The following DIAPH1 variants were observed in gnomAD, a reference collection of about 807,000 sequenced individuals.
The protein encoded by DIAPH1 is diaphanous related formin 1, also known as protein diaphanous homolog 1.
Under a neutral mutation model 140.7 loss-of-function variants are expected in DIAPH1, and 46 were observed. That is an observed-to-expected ratio of 0.33 (90% CI 0.26 to 0.42). The LOEUF is 0.42. Among genes scored for constraint, DIAPH1 ranks in the 10% least tolerant of loss-of-function variants. The probability of loss-of-function intolerance (pLI) is 1.00; values close to 1 mark genes in which losing one functional copy is unlikely to be tolerated. For synonymous variants in DIAPH1, 565 were observed against 551.6 expected (o/e 1.02, Z -0.34); for missense variants, 1,310 against 1,558.7 (o/e 0.84, Z 2.69).
intron 8 of DIAPH1, 95 bp from the exon 9 acceptor site, chr5:141,579,291 A>G (rs2099896402): frequency 1.1e-6 from 1 of 900,960 alleles, no homozygotes; most frequent in East Asian, 2.4e-5. Flanking sequence ...ACCGATTAGG[A>G]AACAGGACAT....
At chr5:141,527,340 C>T (rs1290253245) in intron 24 of DIAPH1, among the ~76,000 whole-genome samples, 1 of 152,044 alleles carries the variant, frequency 6.6e-6, no homozygotes, top group African/African-American at 2.4e-5. Context: ...CGTTTGAGTC[C>T]AAGAGGTCAA....
Position 141,587,055 on chromosome 5 carries a change from A to G in DIAPH1, c.287T>C (p.Phe96Ser). The G allele has an allele frequency of 6.2e-7, 1 of 1,614,172 alleles. No homozygotes were observed. The highest frequency in any genetic ancestry group is 1.1e-5 in the South Asian group (1 of 91,086). ...TGGGAAACTTACCAGCATCTGTTCA[A>G]AGAGAACCAGCACTTGTTCATCTGA... The part of the protein sequence containing the change: ...DVSDEQVLVL[F>S]EQMLLDMNLN... Residue 96 changes from phenylalanine to serine, a missense_variant, in exon 3 of 28, where the codon TTT becomes TCT. Phe to Ser is a radical substitution (Grantham distance 155). Transcript: ENST00000389054.
intron 17 of DIAPH1, 112 bp downstream of exon 17, chr5:141,571,814 T>TCCAA: frequency 1.2e-6 from 1 of 831,654 alleles, no homozygotes; most frequent in Non-Finnish European, 2.1e-6. Flanking sequence ...CAGTCTTCCA[T>TCCAA]CCAACATACC....
chr5:141,571,170 C>T (rs990829910), intron 18 of DIAPH1, among the ~76,000 whole-genome samples: 5 of 152,146 alleles, frequency 3.3e-5, no homozygotes, highest in Admixed American at 6.5e-5. Context: ...TTATTGCTTA[C>T]GTTGTCCCTC....
At chr5:141,529,497 A>G (rs939984266) in intron 20 of DIAPH1, 106 bp downstream of exon 20, 23 of 1,075,144 alleles carry the variant, frequency 2.1e-5, no homozygotes, top group Middle Eastern at 4.0e-4. Context: ...GCCAGCATTC[A>G]TAAGTCAGCA....
At chr5:141,592,622 C>T (rs1243007781) in intron 1 of DIAPH1, among the ~76,000 whole-genome samples, 2 of 152,168 alleles carry the variant, frequency 1.3e-5, no homozygotes, top group African/African-American at 4.8e-5. Flanking sequence ...AATCATCCTA[C>T]CTACATCTAA....
chr5:141,577,122 T>C (rs1017537640), intron 12 of DIAPH1, among the ~76,000 whole-genome samples: 1 of 152,188 alleles, frequency 6.6e-6, no homozygotes, highest in Non-Finnish European at 1.5e-5. Context: ...ATCTAAAAAT[T>C]TGCGTTTGAT....
At chr5:141,572,863 T>C (rs2099895396) in intron 16 of DIAPH1, among the ~76,000 whole-genome samples, 1 of 152,112 alleles carries the variant, frequency 6.6e-6, no homozygotes, top group Admixed American at 6.5e-5. Context: ...ATCAGCACAA[T>C]TATCAGTAGT....
rs569302689 is a variant in DIAPH1, at chr5:141,613,189, A to G, written c.117+5609T>C. ...AGAATGTTTCCTTTAATTCAATTCC[A>G]TTATGCTAACTCTCATTTGCATCCC... On this transcript the variant is annotated intron_variant, in intron 1 of 27. Transcript: ENST00000389054. Among the ~76,000 whole-genome samples the G allele has an allele frequency of 3.3e-5, 5 of 152,276 alleles. No individual in the cohort carries two copies. The East Asian group carries it at 9.6e-4, about 29-fold the overall frequency.
At position 141,574,095 on chromosome 5, in the gene DIAPH1, G is replaced by T. The variant is rs1470817454; in HGVS notation, c.1755C>A (p.Ala585=). The change falls in exon 16 of 28, where the codon GCC becomes GCA. Residue 585 remains alanine (A), a synonymous_variant. Coordinates refer to ENST00000389054, the MANE Select transcript of DIAPH1 (RefSeq NM_005219.5). The part of the protein sequence containing the change: ...SVPSRAPVPP[A]PPLPGDSGTI... ...TGCCAGAGTCACCAGGTAAAGGAGGGGCAGGGGGAACAGGAGCACGACTAG... is the reference window on the plus strand; with the variant it reads ...TGCCAGAGTCACCAGGTAAAGGAGGTGCAGGGGGAACAGGAGCACGACTAG... 1.2e-6 allele frequency: 2 copies of T among 1,613,686 alleles called. No individual in the cohort carries two copies. Among genetic ancestry groups the T allele is most frequent in the South Asian group, 2.2e-5 (2 of 91,022 alleles).
chr5:141,606,830 T>C (rs1406676425), intron 1 of DIAPH1, among the ~76,000 whole-genome samples: 2 of 152,146 alleles, frequency 1.3e-5, no homozygotes, highest in African/African-American at 4.8e-5. Flanking sequence ...TCACATATAG[T>C]TACATTAGTG....
chr5:141,548,557 C>A (rs1264287851), intron 18 of DIAPH1, among the ~76,000 whole-genome samples: 1 of 152,094 alleles, frequency 6.6e-6, no homozygotes, highest in East Asian at 1.9e-4. Context: ...CTGCATGACA[C>A]CAGTAACTCA....
Position 141,552,405 on chromosome 5 carries a change from T to C in DIAPH1, c.2483-17972A>G, listed in dbSNP as rs756544390. ...ACGAGGACCAGAGTCAGAGAGGACA[T>C]GTGATGACAGAAGCAGAGGTCAGAG... On this transcript the variant is annotated intron_variant, in intron 18 of 27. Coordinates refer to ENST00000389054, the MANE Select transcript of DIAPH1 (RefSeq NM_005219.5). Among the ~76,000 whole-genome samples, 5 of 152,098 alleles carry C rather than the reference T, an allele frequency of 3.3e-5. 1 individual carries two copies. Among genetic ancestry groups the C allele is most frequent in the African/African-American group, 7.2e-5 (3 of 41,404 alleles).
At chr5:141,548,912 T>C (rs935812255) in intron 18 of DIAPH1, among the ~76,000 whole-genome samples, 1 of 152,242 alleles carries the variant, frequency 6.6e-6, no homozygotes, top group Non-Finnish European at 1.5e-5. Flanking sequence ...ATGTATATTG[T>C]AATTTTTAAG....
chr5:141,588,401 AT>A, intron 1 of DIAPH1, 151 bp from the exon 2 acceptor site: 1 of 641,964 alleles, frequency 1.6e-6, no homozygotes, highest in Non-Finnish European at 2.9e-6. Context: ...CTGTCAAAGT[AT>A]TCCTTAGCAC....
At chr5:141,605,279 AC>A (rs1431834756) in intron 1 of DIAPH1, among the ~76,000 whole-genome samples, 1 of 152,174 alleles carries the variant, frequency 6.6e-6, no homozygotes, top group Non-Finnish European at 1.5e-5. Context: ...AAAGCAAAAA[AC>A]ATCTGTAAAC....
chr5:141,528,273 A>C (rs1397725870), intron 23 of DIAPH1, among the ~76,000 whole-genome samples, 180 bp downstream of exon 23: 1 of 152,074 alleles, frequency 6.6e-6, no homozygotes, highest in African/African-American at 2.4e-5. Context: ...CTATTTCTAC[A>C]CATAAAGATC....
In DIAPH1 at chr5:141,618,857, CCTT is replaced by C. The variant is rs1199493968; in HGVS notation, c.55_57del (p.Lys19del). On this transcript the variant is annotated inframe_deletion, in exon 1 of 28. Transcript: ENST00000389054. ...GAGGGCAGCTCATCTGGGCTCCGGC[CCTT>C]CTTCTTGTCCCGGGTCCCGCGGCCG... The C allele has an allele frequency of 3.3e-6, 5 of 1,534,462 alleles. No individual in the cohort carries two copies. Among genetic ancestry groups the C allele is most frequent in the African/African-American group, 1.4e-5 (1 of 70,868 alleles).
At chr5:141,560,940 G>A (rs200731372) in intron 18 of DIAPH1, 8 of 455,848 alleles carry the variant, frequency 1.8e-5, no homozygotes, top group East Asian at 7.0e-5. Flanking sequence ...GAAAGATGAG[G>A]GGGGGAAGGG....
Sources: gnomAD v4.1 joint callset for allele counts (sites outside exome capture counted in the v4.1 genomes callset) on GRCh38, gnomAD v4.1.1 for gene constraint, MANE v1.5 for transcripts, NCBI Gene and HGNC (gene_info 2026-07-23, HGNC 2026-07-21) for gene names.